The following F13A1 variants were observed in gnomAD, a reference collection of about 807,000 sequenced individuals.
F13A1 encodes the protein coagulation factor XIII A chain.
A neutral mutation model predicts 80.1 loss-of-function variants in F13A1; 47 were observed. The observed-to-expected ratio is 0.59, with a 90% confidence interval of 0.46 to 0.75. The LOEUF is 0.75. Ranked by LOEUF, F13A1 falls within the 30% of genes least tolerant of loss-of-function variation. The probability of loss-of-function intolerance (pLI) is 0.00; values close to 1 mark genes in which losing one functional copy is unlikely to be tolerated. For missense variants in F13A1, 817 were observed against 930.4 expected (o/e 0.88, Z 1.59); for synonymous variants, 349 against 344.9 (o/e 1.01, Z -0.13).
chr6:6,168,985 A>G (rs3823193), intron 12 of F13A1, among the ~76,000 whole-genome samples: 34,422 of 152,176 alleles, frequency 0.23, 4,349 homozygotes, highest in South Asian at 0.39. Flanking sequence ...AAGTCTCTTT[A>G]CAGATGCGTA....
chr6:6,270,196 T>A (rs1757902967), intron 3 of F13A1, among the ~76,000 whole-genome samples: 1 of 152,184 alleles, frequency 6.6e-6, no homozygotes, highest in Admixed American at 6.5e-5. Flanking sequence ...ACATCTGCCT[T>A]AGAGGATTTC....
rs1758367587 is a variant in F13A1, at chr6:6,298,499, G to C, written c.319+6852C>G. Among the ~76,000 whole-genome samples, 2 of 149,816 alleles carry C rather than the reference G, an allele frequency of 1.3e-5. 1 individual carries two copies. The highest frequency in any genetic ancestry group is 5.1e-5 in the African/African-American group (2 of 39,252). Reference sequence around the variant, plus strand: ...GTTGAATTGATCCCTTTACCATTATGTAATGGCCTTCTTTGTCTCTTTTGA... The same window carrying C: ...GTTGAATTGATCCCTTTACCATTATCTAATGGCCTTCTTTGTCTCTTTTGA... On this transcript the variant is annotated intron_variant, in intron 3 of 14. Coordinates refer to ENST00000264870, the MANE Select transcript of F13A1 (RefSeq NM_000129.4).
chr6:6,319,370 A>G (rs190640232), intron 1 of F13A1, among the ~76,000 whole-genome samples: 84 of 152,304 alleles, frequency 5.5e-4, no homozygotes, highest in Non-Finnish European at 1.3e-4. Context: ...GGAGGAGGAT[A>G]AGGAGGTGGA....
chr6:6,199,472 G>A (rs1044563998), intron 8 of F13A1, among the ~76,000 whole-genome samples: 9 of 150,034 alleles, frequency 6.0e-5, no homozygotes, highest in Non-Finnish European at 8.9e-5. Flanking sequence ...CAGCCTGGTC[G>A]ACAGAGCGAG....
At chr6:6,200,260 G>A (rs1441875302) in intron 8 of F13A1, among the ~76,000 whole-genome samples, 4 of 152,092 alleles carry the variant, frequency 2.6e-5, no homozygotes. Flanking sequence ...GAAAGAGGTA[G>A]CTTCTTCCTT....
intron 8 of F13A1, among the ~76,000 whole-genome samples, chr6:6,218,880 A>G (rs1009537113): frequency 4.6e-5 from 7 of 152,056 alleles, no homozygotes; most frequent in African/African-American, 1.7e-4. Flanking sequence ...ACCCTCTTGT[A>G]CTTTTCCTCT....
At chr6:6,310,513 T>C (rs1313252931) in intron 2 of F13A1, among the ~76,000 whole-genome samples, 1 of 151,926 alleles carries the variant, frequency 6.6e-6, no homozygotes, top group East Asian at 1.9e-4. Context: ...TTTATTATTA[T>C]TGTTGTTGTT....
At chr6:6,273,990 C>T (rs1757955058) in intron 3 of F13A1, among the ~76,000 whole-genome samples, 1 of 152,228 alleles carries the variant, frequency 6.6e-6, no homozygotes, top group Admixed American at 6.5e-5. Context: ...AGCAAATCAT[C>T]TCTTTGAGGA....
chr6:6,191,691 G>A (rs1430258300), intron 10 of F13A1, among the ~76,000 whole-genome samples: 1 of 152,204 alleles, frequency 6.6e-6, no homozygotes, highest in Non-Finnish European at 1.5e-5. Context: ...CCTGGACAGA[G>A]TTTGCTTTGG....
intron 8 of F13A1, among the ~76,000 whole-genome samples, chr6:6,198,789 A>G (rs1387930899): frequency 6.6e-6 from 1 of 152,242 alleles, no homozygotes; most frequent in African/African-American, 2.4e-5. Flanking sequence ...TAAGTGCTCA[A>G]AAATGGTAAC....
intron 11 of F13A1, among the ~76,000 whole-genome samples, chr6:6,181,494 C>G (rs1170930961): frequency 6.6e-6 from 1 of 152,168 alleles, no homozygotes; most frequent in African/African-American, 2.4e-5. Flanking sequence ...ACCTAATTGT[C>G]CTGAGTTAGA....
intron 8 of F13A1, among the ~76,000 whole-genome samples, chr6:6,203,173 G>C (rs1761427299): frequency 1.3e-5 from 2 of 152,218 alleles, no homozygotes; most frequent in African/African-American, 2.4e-5. Flanking sequence ...AGGCAAGAAA[G>C]ACATCCATGG....
intron 13 of F13A1, among the ~76,000 whole-genome samples, chr6:6,156,168 T>TA (rs1311417169): frequency 2.6e-5 from 4 of 152,204 alleles, no homozygotes; most frequent in Non-Finnish European, 5.9e-5. Flanking sequence ...CTCTCTGTTT[T>TA]AAAAAAATCA....
At chr6:6,217,698 A>T (rs943003527) in intron 8 of F13A1, among the ~76,000 whole-genome samples, 2 of 152,096 alleles carry the variant, frequency 1.3e-5, no homozygotes, top group Non-Finnish European at 2.9e-5. Flanking sequence ...AAATAAAAAT[A>T]AAAATAAAAT....
At chr6:6,298,383 A>G (rs1055925007) in intron 3 of F13A1, among the ~76,000 whole-genome samples, 5 of 150,008 alleles carry the variant, frequency 3.3e-5, no homozygotes, top group Admixed American at 1.3e-4. Flanking sequence ...GTGGGAGTCT[A>G]AGTCTCTTTG....
Position 6,162,795 on chromosome 6 carries a change from A to G in F13A1, c.1908+4663T>C, listed in dbSNP as rs1391885612. ...GAGAATGCAGAAGCCAACAGAGGTGAAATGATCTGTCCAGGTTTACACAGT... is the reference window on the plus strand; with the variant it reads ...GAGAATGCAGAAGCCAACAGAGGTGGAATGATCTGTCCAGGTTTACACAGT... On this transcript the variant is annotated intron_variant, in intron 13 of 14. Transcript: ENST00000264870. This position sits in a 1 kb window ranked among gnomAD's most constrained non-coding sequence, Gnocchi z 4.2. 6.6e-6 allele frequency among the ~76,000 whole-genome samples: 1 copy of G among 152,204 alleles called. No homozygotes were observed. Among genetic ancestry groups the G allele is most frequent in the Admixed American group, 6.5e-5 (1 of 15,284 alleles).
chr6:6,309,161 C>T (rs1758556191), intron 2 of F13A1, among the ~76,000 whole-genome samples: 1 of 151,390 alleles, frequency 6.6e-6, no homozygotes, highest in African/African-American at 2.4e-5. Flanking sequence ...TATAAGTGTG[C>T]TATTTTATGT....
chr6:6,150,436 A>G (rs1285547124), intron 14 of F13A1, among the ~76,000 whole-genome samples: 1 of 152,226 alleles, frequency 6.6e-6, no homozygotes, highest in East Asian at 1.9e-4. Context: ...AAAAGCACTA[A>G]GATTATTTTC....
chr6:6,269,143 T>A (rs1179550192), intron 3 of F13A1, among the ~76,000 whole-genome samples: 1 of 152,274 alleles, frequency 6.6e-6, no homozygotes, highest in African/African-American at 2.4e-5. Context: ...ATATTGTGGC[T>A]AAGGGGAAAG....
Sources: gnomAD v4.1 joint callset for allele counts (sites outside exome capture counted in the v4.1 genomes callset) on GRCh38, gnomAD v4.1.1 for gene constraint, Gnocchi (gnomAD v3.1) non-coding constraint, MANE v1.5 for transcripts, NCBI Gene and HGNC (gene_info 2026-07-23, HGNC 2026-07-21) for gene names.